Variants in PSMA6 observed in about 807,000 individuals in gnomAD.
PSMA6 encodes proteasome subunit alpha type-6.
For synonymous variants in PSMA6, 88 were observed against 97.7 expected, an observed-to-expected ratio of 0.90 and a Z score of 0.59; for missense variants, 170 against 294.8, an observed-to-expected ratio of 0.58 and a Z score of 3.10.
rs781562053 is a variant in PSMA6 at position 35,292,485 on chromosome 14, T to G, written c.9T>G (p.Arg3=). The G allele has an allele frequency of 1.1e-5, 18 of 1,613,688 alleles. No individual in the cohort carries two copies. The South Asian group carries it at 2.0e-4, about 18-fold the overall frequency. ...GTAGTGCTTCTACCAACATGTCCCG[T>G]GGTTCCAGCGCCGGTTTTGACCGCC... The part of the protein sequence containing the change: MS[R]GSSAGFDRHI... Residue 3 remains arginine, a synonymous_variant, in exon 1 of 7, where the codon CGT becomes CGG. Transcript: ENST00000261479.
At chr14:35,307,756 G>C (rs1239867690) in intron 1 of PSMA6, among the ~76,000 whole-genome samples, 1 of 152,018 alleles carries the variant, frequency 6.6e-6, no homozygotes, top group Non-Finnish European at 1.5e-5. Flanking sequence ...AACTTTATTG[G>C]AAATTGGGTG....
intron 1 of PSMA6, among the ~76,000 whole-genome samples, chr14:35,298,955 A>T (rs2051654430): frequency 6.6e-6 from 1 of 152,070 alleles, no homozygotes; most frequent in South Asian, 2.1e-4. Flanking sequence ...GCTGGTCTCA[A>T]ACTCCTGACC....
At chr14:35,308,720 T>C in intron 2 of PSMA6, 194 bp from the exon 3 acceptor site, 1 of 487,926 alleles carries the variant, frequency 2.0e-6, no homozygotes, top group South Asian at 2.9e-5. Flanking sequence ...AAAAGGTAAA[T>C]AGAGCCCCTC....
upstream of PSMA6, among the ~76,000 whole-genome samples, chr14:35,291,764 A>C (rs1188253633): frequency 6.7e-6 from 1 of 148,262 alleles, no homozygotes; most frequent in Non-Finnish European, 1.5e-5. Context: ...GGGAGGTTGC[A>C]GTCAGCCGAG....
intron 1 of PSMA6, among the ~76,000 whole-genome samples, chr14:35,284,438 C>T (rs890701510): frequency 6.6e-6 from 1 of 152,084 alleles, no homozygotes; most frequent in Non-Finnish European, 1.5e-5. Flanking sequence ...TGCTCTGTTA[C>T]ACATTTCCTT....
upstream of PSMA6, among the ~76,000 whole-genome samples, chr14:35,288,031 CTTTTAGGGTT>C (rs1003942230): frequency 6.6e-6 from 1 of 152,208 alleles, no homozygotes; most frequent in African/African-American, 2.4e-5. Flanking sequence ...AATCTCTGAC[CTTTTAGGGTT>C]TTGAAATTTG....
intron 6 of PSMA6, 143 bp from the exon 7 acceptor site, chr14:35,317,106 A>G (rs1239099425): frequency 7.9e-6 from 5 of 633,062 alleles, no homozygotes; most frequent in South Asian, 2.0e-5. Flanking sequence ...GTGTGTATAG[A>G]TTTTTTAAAG....
chr14:35,303,098 C>T (rs915567520), intron 1 of PSMA6, among the ~76,000 whole-genome samples: 2 of 152,042 alleles, frequency 1.3e-5, no homozygotes, highest in African/African-American at 4.8e-5. Context: ...TTGAGAGTTC[C>T]GGATTGTATC....
intron 1 of PSMA6, among the ~76,000 whole-genome samples, chr14:35,280,570 CAG>C (rs1305138848): frequency 2.0e-5 from 3 of 150,384 alleles, no homozygotes; most frequent in Non-Finnish European, 4.4e-5. Context: ...TTAGTAGAGA[CAG>C]GGTTTCGTCA....
intron 1 of PSMA6, among the ~76,000 whole-genome samples, chr14:35,285,660 C>G (rs1456673773): frequency 6.6e-6 from 1 of 152,238 alleles, no homozygotes; most frequent in Non-Finnish European, 1.5e-5. Context: ...CTGTTCTTGA[C>G]TCACTTTCTT....
At chr14:35,292,321 G>A, upstream of PSMA6, 1 of 1,466,126 alleles carries the variant, frequency 6.8e-7, no homozygotes, top group Non-Finnish European at 9.0e-7. Context: ...CTCAGTGCTC[G>A]AACTGGCTCC....
upstream of PSMA6, among the ~76,000 whole-genome samples, chr14:35,291,111 C>T (rs975004400): frequency 1.3e-5 from 2 of 151,954 alleles, no homozygotes; most frequent in Non-Finnish European, 2.9e-5. Flanking sequence ...CCCACCTTAG[C>T]CCCCCGAGTA....
At position 35,292,434 on chromosome 14, in the gene PSMA6, T is replaced by C. The variant is rs11547365; in HGVS notation, c.-43T>C. On this transcript the variant is annotated 5_prime_UTR_variant, in exon 1 of 7. Transcript: ENST00000261479. ...GTGCTTGTGTGCCTGGTGCGGGAGC[T>C]ACGGGGCCCAGGGATTGTGTTTAAA... The C allele has an allele frequency of 1.3e-6, 2 of 1,592,766 alleles. No individual in the cohort carries two copies. The highest frequency in any genetic ancestry group is 2.3e-5 in the South Asian group (2 of 88,792).
chr14:35,313,174 C>A, intron 5 of PSMA6, 115 bp downstream of exon 5: 1 of 997,246 alleles, frequency 1.0e-6, no homozygotes, highest in Non-Finnish European at 1.4e-6. Flanking sequence ...AAGTTGTCAA[C>A]TTAATAATGA....
Position 35,309,011 on chromosome 14 carries a change from A to T in PSMA6, c.253+16A>T. 6.6e-7 allele frequency: 1 copy of T among 1,523,422 alleles called. No homozygotes were observed. The highest frequency in any genetic ancestry group is 9.1e-7 in the Non-Finnish European group (1 of 1,104,944). The allele number at this position is 1,523,422 out of a possible 1,614,324, so 94.4% of individuals were successfully genotyped here. On this transcript the variant is annotated intron_variant, in intron 3 of 6. Coordinates refer to ENST00000261479, the MANE Select transcript of PSMA6 (RefSeq NM_002791.3). ...GGAATGACAGGTAATTAATCTGTAGATATACAAGACATCTGTAGATATACA... is the reference window on the plus strand; with the variant it reads ...GGAATGACAGGTAATTAATCTGTAGTTATACAAGACATCTGTAGATATACA...
chr14:35,299,518 C>G (rs1197199766), intron 1 of PSMA6, among the ~76,000 whole-genome samples: 1 of 151,322 alleles, frequency 6.6e-6, no homozygotes, highest in African/African-American at 2.4e-5. Flanking sequence ...GGCAGTGTTT[C>G]ACTATGTTGG....
At chr14:35,279,859 T>C (rs2051346079) in intron 1 of PSMA6, among the ~76,000 whole-genome samples, 1 of 152,174 alleles carries the variant, frequency 6.6e-6, no homozygotes, top group East Asian at 1.9e-4. Flanking sequence ...GCGTGGTGGC[T>C]CACGCCTGTA....
chr14:35,293,013 C>T (rs1211322898), intron 1 of PSMA6: 1 of 457,822 alleles, frequency 2.2e-6, no homozygotes, highest in Non-Finnish European at 4.4e-6. Context: ...CCAGACACTG[C>T]TAGTCCTAGG....
chr14:35,307,836 G>C (rs1165278465), intron 1 of PSMA6, among the ~76,000 whole-genome samples, 158 bp from the exon 2 acceptor site: 1 of 152,140 alleles, frequency 6.6e-6, no homozygotes, highest in Non-Finnish European at 1.5e-5. Context: ...ACTGTGACTT[G>C]TGGTCATTAT....
Sources: gnomAD v4.1 joint callset for allele counts (sites outside exome capture counted in the v4.1 genomes callset) on GRCh38, gnomAD v4.1.1 for gene constraint, MANE v1.5 for transcripts, NCBI Gene and HGNC (gene_info 2026-07-23, HGNC 2026-07-21) for gene names.